Variants in LPP observed in about 807,000 individuals in gnomAD.
LPP encodes LIM domain containing preferred translocation partner in lipoma.
A neutral mutation model predicts 60.4 loss-of-function variants in LPP; 38 were observed. The observed-to-expected ratio is 0.63, with a 90% CI of 0.49 to 0.83. LPP has a LOEUF of 0.83. Ranked by LOEUF, LPP falls within the 40% of genes least tolerant of loss-of-function variation. LPP has a pLI of 0.00. For synonymous variants in LPP, 328 were observed against 290.8 expected, an observed-to-expected ratio of 1.13 and a Z score of -1.30; for missense variants, 902 against 783.6, an observed-to-expected ratio of 1.15 and a Z score of -1.80.
intron 8 of LPP, among the ~76,000 whole-genome samples, chr3:188,728,798 A>T (rs1257996984): frequency 1.3e-5 from 2 of 152,140 alleles, no homozygotes; most frequent in African/African-American, 2.4e-5. Flanking sequence ...TGGTTTAAGT[A>T]AATATTTATG....
chr3:188,776,253 A>G lies in LPP; in HGVS notation c.1410+15971A>G, dbSNP rs79992953. On this transcript the variant is annotated intron_variant, in intron 9 of 11. Transcript: ENST00000617246. ...GGGAGAGGAGGGGACTGGCATCGAG[A>G]AAGACCTCCCAGAGGATGCAGCATT... Among the ~76,000 whole-genome samples, 345 of 152,344 alleles carry G rather than the reference A, an allele frequency of 2.3e-3. 4 individuals carry two copies. The East Asian group carries it at 0.026, about 11-fold the overall frequency.
At chr3:188,526,131 CTAAG>C (rs780203099) in intron 6 of LPP, among the ~76,000 whole-genome samples, 2 of 152,294 alleles carry the variant, frequency 1.3e-5, no homozygotes, top group East Asian at 1.9e-4. Context: ...ATTTGTTTGA[CTAAG>C]TGAGAGTGCA....
At chr3:188,618,372 A>C (rs1218567766) in intron 7 of LPP, among the ~76,000 whole-genome samples, 1 of 152,226 alleles carries the variant, frequency 6.6e-6, no homozygotes, top group Admixed American at 6.5e-5. Context: ...TCAATCACTT[A>C]TAAAATTTAC....
At chr3:188,810,401 A>G (rs1750557985) in intron 9 of LPP, among the ~76,000 whole-genome samples, 1 of 152,082 alleles carries the variant, frequency 6.6e-6, no homozygotes, top group South Asian at 2.1e-4. Flanking sequence ...GGTCAACCAC[A>G]GTCCAAAAAT....
intron 1 of LPP, among the ~76,000 whole-genome samples, chr3:188,162,776 G>T (rs1317180667): frequency 2.6e-5 from 4 of 152,128 alleles, no homozygotes; most frequent in Admixed American, 2.0e-4. Context: ...ACATGTGTCC[G>T]ATTCTGGGTG....
chr3:188,229,782 A>G (rs1341650198), intron 2 of LPP, among the ~76,000 whole-genome samples: 1 of 152,174 alleles, frequency 6.6e-6, no homozygotes, highest in Non-Finnish European at 1.5e-5. Flanking sequence ...CAGTGGAGAT[A>G]CCTCTACTCT....
intron 7 of LPP, among the ~76,000 whole-genome samples, chr3:188,676,949 T>G (rs1242544726): frequency 2.0e-5 from 3 of 152,172 alleles, no homozygotes; most frequent in Middle Eastern, 3.2e-3. Context: ...CAGGCTGCCA[T>G]GTTGTCAGCT....
intron 1 of LPP, among the ~76,000 whole-genome samples, chr3:188,201,310 A>G (rs1006500266): frequency 1.3e-5 from 2 of 152,186 alleles, no homozygotes; most frequent in Non-Finnish European, 2.9e-5. Context: ...AATCCAGGGA[A>G]GAGAGATTAT....
At chr3:188,298,489 A>G (rs1435158825) in intron 2 of LPP, among the ~76,000 whole-genome samples, 1 of 152,108 alleles carries the variant, frequency 6.6e-6, no homozygotes, top group East Asian at 1.9e-4. Context: ...AGACTCACTT[A>G]GGGAGGTTTT....
chr3:188,352,461 C>T lies in LPP; in HGVS notation c.-10+10742C>T, dbSNP rs558121891. Among the ~76,000 whole-genome samples, 1 of 152,244 alleles carries T rather than the reference C, an allele frequency of 6.6e-6. No homozygotes were observed. Among genetic ancestry groups the T allele is most frequent in the East Asian group, 1.9e-4 (1 of 5,176 alleles). ...TGATGTGGTCACGTCAGTGCCTCTT[C>T]GGGAGCTGTGTGACTGGCGAGCCCT... On this transcript the variant is annotated intron_variant, in intron 3 of 11. Transcript: ENST00000617246. This position sits in a 1 kb window ranked among gnomAD's most constrained non-coding sequence, Gnocchi z 4.4.
At chr3:188,423,532 C>T (rs921880334) in intron 4 of LPP, among the ~76,000 whole-genome samples, 7 of 152,214 alleles carry the variant, frequency 4.6e-5, no homozygotes, top group Non-Finnish European at 1.0e-4. Flanking sequence ...CTCTCGTCCA[C>T]AATGGTTGAA....
intron 7 of LPP, among the ~76,000 whole-genome samples, chr3:188,637,267 G>A (rs1158407572): frequency 1.3e-5 from 2 of 151,880 alleles, no homozygotes; most frequent in Non-Finnish European, 2.9e-5. Context: ...ATGACTACTG[G>A]GTATATAACG....
chr3:188,240,550 A>C (rs534095122), intron 2 of LPP, among the ~76,000 whole-genome samples: 1 of 152,206 alleles, frequency 6.6e-6, no homozygotes, highest in Admixed American at 6.5e-5. Flanking sequence ...TGCCTAGAGT[A>C]GTTGAGAGCT....
chr3:188,434,382 A>C (rs375851476), intron 4 of LPP, among the ~76,000 whole-genome samples: 13 of 152,134 alleles, frequency 8.5e-5, no homozygotes, highest in Admixed American at 2.0e-4. Context: ...TCATTACAAA[A>C]ATTCTTTTGG....
rs745791323 is a variant in LPP, at chr3:188,880,607, A to G, written c.*6128A>G. 2.1e-5 allele frequency: 4 copies of G among 188,790 alleles called. No individual in the cohort carries two copies. Among genetic ancestry groups the G allele is most frequent in the East Asian group, 8.4e-5 (1 of 11,858 alleles). The allele number at this position is 188,790 out of a possible 1,614,324, so 11.7% of individuals were successfully genotyped here. On this transcript the variant is annotated 3_prime_UTR_variant, in exon 12 of 12. Coordinates refer to ENST00000617246, the MANE Select transcript of LPP (RefSeq NM_001375462.1). ...TTATGTGGCATTGTTAATTTTTCCT[A>G]GATACCCATCCACTTAAGGGCCAGA...
At chr3:188,501,708 CAGCCTGGG>C (rs751826736) in intron 5 of LPP, among the ~76,000 whole-genome samples, 1 of 150,718 alleles carries the variant, frequency 6.6e-6, no homozygotes, top group Non-Finnish European at 1.5e-5. Context: ...GAGATCACTC[CAGCCTGGG>C]TGACAGAGGA....
rs67832532 is a variant in LPP, at chr3:188,438,354, TACACACACACAC to T, written c.193+32077_193+32088del. On this transcript the variant is annotated intron_variant, in intron 4 of 11. Transcript: ENST00000617246. ...GTGTTCCAGACACTATTCCATGCAT[TACACACACACAC>T]ACACACACACACACACACACACACA... Among the ~76,000 whole-genome samples, 1,145 of 138,074 alleles carry T rather than the reference TACACACACACAC, an allele frequency of 8.3e-3. 19 individuals carry two copies. The highest frequency in any genetic ancestry group is 0.022 in the African/African-American group (801 of 36,720). The allele number at this position is 138,074 out of a possible 152,430, so 90.6% of individuals were successfully genotyped here. A position where few individuals can be genotyped will look rare whatever the true frequency, so the allele number is the denominator to read the frequency against.
At chr3:188,694,236 G>T (rs1477659502) in intron 7 of LPP, among the ~76,000 whole-genome samples, 1 of 152,176 alleles carries the variant, frequency 6.6e-6, no homozygotes, top group Non-Finnish European at 1.5e-5. Context: ...TAATGTGAAA[G>T]AATATAGTAT....
At chr3:188,165,517 GA>G (rs1719674972) in intron 1 of LPP, among the ~76,000 whole-genome samples, 1 of 152,168 alleles carries the variant, frequency 6.6e-6, no homozygotes, top group African/African-American at 2.4e-5. Context: ...AGAGGCTGTG[GA>G]GATGGGTTAG....
Sources: gnomAD v4.1 joint callset for allele counts (sites outside exome capture counted in the v4.1 genomes callset) on GRCh38, gnomAD v4.1.1 for gene constraint, Gnocchi (gnomAD v3.1) non-coding constraint, MANE v1.5 for transcripts, NCBI Gene and HGNC (gene_info 2026-07-23, HGNC 2026-07-21) for gene names.